CMKLR2: variants seen among roughly 807,000 people sequenced by gnomAD.
CMKLR2 encodes the protein chemerin chemokine-like receptor 2.
A neutral mutation model predicts 23.0 loss-of-function variants in CMKLR2; 18 were observed. That is an observed-to-expected ratio of 0.78 (90% CI 0.54 to 1.16). The LOEUF is 1.16. Ranked by LOEUF, CMKLR2 falls within the 50% of genes most tolerant of loss-of-function variation. The pLI is 0.00. For synonymous variants in CMKLR2, 158 were observed against 158.9 expected (o/e 0.99, Z 0.05); for missense variants, 401 against 412.7 (o/e 0.97, Z 0.25).
chr2:206,188,932 A>G (rs1016121153), intron 1 of CMKLR2, among the ~76,000 whole-genome samples: 2 of 152,246 alleles, frequency 1.3e-5, no homozygotes, highest in Non-Finnish European at 2.9e-5. Flanking sequence ...GGGGAAGGAC[A>G]CCTGGTAGAA....
At chr2:206,210,554 G>A (rs1400613068) in intron 1 of CMKLR2, among the ~76,000 whole-genome samples, 2 of 151,754 alleles carry the variant, frequency 1.3e-5, no homozygotes, top group African/African-American at 4.8e-5. Flanking sequence ...CGCCTTCCAG[G>A]TTCAAGCGAT....
rs745647131 is a variant in CMKLR2, at chr2:206,194,744, CTTTTTTTTTTTT to C, written c.-28-17481_-28-17470del. ...AGCCACCACACTGGGCCATCATAGA[CTTTTTTTTTTTT>C]TTTTTTTTTTTTTTTGAGACGGAGT... On this transcript the variant is annotated intron_variant, in intron 1 of 1. Coordinates refer to ENST00000621141, the MANE Select transcript of CMKLR2 (RefSeq NM_001389445.1). 7.8e-3 allele frequency among the ~76,000 whole-genome samples: 603 copies of C among 76,864 alleles called. 5 individuals carry two copies. The highest frequency in any genetic ancestry group is 0.029 in the African/African-American group (570 of 19,660). 50.4% of individuals were successfully genotyped at this position (76,864 alleles called of 152,430 possible). A position where few individuals can be genotyped will look rare whatever the true frequency, so the allele number is the denominator to read the frequency against.
chr2:206,186,057 C>G (rs1212985350), intron 1 of CMKLR2, among the ~76,000 whole-genome samples: 1 of 151,834 alleles, frequency 6.6e-6, no homozygotes, highest in African/African-American at 2.4e-5. Flanking sequence ...TGAAAATATT[C>G]TCCTGGAATC....
chr2:206,187,405 T>G (rs894807521), intron 1 of CMKLR2, among the ~76,000 whole-genome samples: 1 of 152,206 alleles, frequency 6.6e-6, no homozygotes, highest in South Asian at 2.1e-4. Context: ...CAGGTAGGAA[T>G]TGACAGACCC....
At chr2:206,217,110 C>T (rs141640923), upstream of CMKLR2, among the ~76,000 whole-genome samples, 41 of 152,046 alleles carry the variant, frequency 2.7e-4, no homozygotes, top group South Asian at 4.8e-3. Flanking sequence ...AAAATCTATC[C>T]GGAACAAAAG....
chr2:206,214,962 C>A (rs557435251), upstream of CMKLR2, among the ~76,000 whole-genome samples: 1 of 152,222 alleles, frequency 6.6e-6, no homozygotes, highest in East Asian at 1.9e-4. Flanking sequence ...TTCAGCTCAA[C>A]CATGTGATAC....
intron 1 of CMKLR2, among the ~76,000 whole-genome samples, chr2:206,202,638 G>T (rs544404401): frequency 6.5e-4 from 99 of 152,180 alleles, no homozygotes; most frequent in African/African-American, 2.0e-3. Flanking sequence ...CCTGGTTAAG[G>T]CTGGATGGCG....
chr2:206,205,745 G>A (rs1689290619), intron 1 of CMKLR2, among the ~76,000 whole-genome samples: 1 of 151,890 alleles, frequency 6.6e-6, no homozygotes. Flanking sequence ...TGTTGCCCAG[G>A]CTGGAGTGCA....
chr2:206,207,159 T>TTA (rs1273270231), intron 1 of CMKLR2, among the ~76,000 whole-genome samples: 3 of 150,518 alleles, frequency 2.0e-5, no homozygotes, highest in African/African-American at 7.3e-5. Context: ...ATTTTTTTTT[T>TTA]TTTTTTTGAG....
chr2:206,216,068 G>A (rs762318660), upstream of CMKLR2, among the ~76,000 whole-genome samples: 1 of 152,160 alleles, frequency 6.6e-6, no homozygotes, highest in Non-Finnish European at 1.5e-5. Flanking sequence ...GGACAGTTTT[G>A]CCACTTTCTA....
intron 1 of CMKLR2, among the ~76,000 whole-genome samples, chr2:206,196,014 T>C (rs148293959): frequency 0.012 from 1,825 of 152,192 alleles, 11 homozygotes; most frequent in Middle Eastern, 0.027. Flanking sequence ...AGCATTCTTA[T>C]CTAAATTGGT....
intron 1 of CMKLR2, among the ~76,000 whole-genome samples, chr2:206,186,712 T>A (rs1688590926): frequency 1.3e-5 from 2 of 151,800 alleles, no homozygotes; most frequent in South Asian, 4.2e-4. Flanking sequence ...TTTTTAGCCA[T>A]GAAGACTTAA....
At chr2:206,200,992 C>G (rs72944892) in intron 1 of CMKLR2, among the ~76,000 whole-genome samples, 30 of 152,196 alleles carry the variant, frequency 2.0e-4, no homozygotes, top group Non-Finnish European at 3.8e-4. Flanking sequence ...CACTCTTTCT[C>G]CCATGTTGGA....
intron 1 of CMKLR2, among the ~76,000 whole-genome samples, chr2:206,202,589 T>C (rs377566443): frequency 1.3e-5 from 2 of 152,182 alleles, no homozygotes; most frequent in African/African-American, 4.8e-5. Flanking sequence ...GCCTCTTGAG[T>C]AGCTGGGGCT....
At chr2:206,178,338 A>G (rs1248425997) in intron 1 of CMKLR2, among the ~76,000 whole-genome samples, 1 of 152,178 alleles carries the variant, frequency 6.6e-6, no homozygotes, top group Non-Finnish European at 1.5e-5. Flanking sequence ...AAGAGTTCCT[A>G]CTATTTCCTA....
At chr2:206,178,038 G>A in intron 1 of CMKLR2, among the ~76,000 whole-genome samples, 1 of 152,188 alleles carries the variant, frequency 6.6e-6, no homozygotes, top group East Asian at 1.9e-4. Flanking sequence ...CACTTTGGGA[G>A]GCTGAGACAG....
intron 1 of CMKLR2, among the ~76,000 whole-genome samples, chr2:206,184,018 C>T (rs1688496047): frequency 6.6e-6 from 1 of 152,188 alleles, no homozygotes; most frequent in African/African-American, 2.4e-5. Flanking sequence ...GAGACTAAGT[C>T]TGAAATCAAG....
intron 1 of CMKLR2, among the ~76,000 whole-genome samples, chr2:206,179,048 C>T (rs1347373838): frequency 7.0e-6 from 1 of 143,370 alleles, no homozygotes; most frequent in Non-Finnish European, 1.5e-5. Context: ...GTGCCCGCTC[C>T]CTGTCCCTTT....
chr2:206,211,828 C>T (rs1394758520), intron 1 of CMKLR2, among the ~76,000 whole-genome samples: 2 of 106,382 alleles, frequency 1.9e-5, no homozygotes, highest in African/African-American at 3.6e-5. Flanking sequence ...ATCTGAGTCA[C>T]TTTTTTTTTT....
Sources: allele counts gnomAD v4.1 joint callset (sites outside exome capture counted in the v4.1 genomes callset), GRCh38; gene constraint gnomAD v4.1.1; transcripts MANE v1.5; gene names NCBI Gene and HGNC (gene_info 2026-07-23, HGNC 2026-07-21).